The following RAB29 variants were observed in gnomAD, a reference collection of about 807,000 sequenced individuals.
RAB29 encodes the protein RAB29, member RAS oncogene family, also known as ras-related protein Rab-29.
A neutral mutation model predicts 25.5 loss-of-function variants in RAB29; 13 were observed. The observed-to-expected ratio is 0.51, with a 90% CI of 0.33 to 0.81. The LOEUF (loss-of-function observed/expected upper bound fraction) is 0.81, where lower values mean the gene tolerates loss of function less well. Among genes scored for constraint, RAB29 ranks in the 30% least tolerant of loss-of-function variants. The pLI, the probability that RAB29 is intolerant of heterozygous loss-of-function variation, is 0.02. For missense variants in RAB29, 201 were observed against 254.9 expected, an observed-to-expected ratio of 0.79 and a Z score of 1.44; for synonymous variants, 88 against 95.0, an observed-to-expected ratio of 0.93 and a Z score of 0.43.
chr1:205,773,234 G>A (rs1177290387), intron 2 of RAB29, among the ~76,000 whole-genome samples: 1 of 152,142 alleles, frequency 6.6e-6, no homozygotes, highest in African/African-American at 2.4e-5. Context: ...GCTAAGGAGA[G>A]AAACAGAGTA....
intron 5 of RAB29, 61 bp from the exon 6 acceptor site, chr1:205,770,514 G>A (rs1654932610): frequency 6.7e-7 from 1 of 1,489,114 alleles, no homozygotes; most frequent in South Asian, 1.1e-5. Flanking sequence ...AATGGCAGAT[G>A]TAGTCTGACT....
intron 2 of RAB29, among the ~76,000 whole-genome samples, chr1:205,773,085 T>C (rs923457635): frequency 9.9e-5 from 15 of 152,148 alleles, no homozygotes; most frequent in African/African-American, 3.1e-4. Context: ...ATGGAATAAA[T>C]GGAAAAGGTC....
At position 205,768,330 on chromosome 1, in the gene RAB29, A is replaced by G. The variant is rs1442801031; in HGVS notation, c.*2012T>C. ...CTGAAAAGCTAACAGAATATATAGA[A>G]ACCCAGGATTTGTATTTGTATTTAA... is the stretch of plus-strand genomic sequence containing the variant. On this transcript the variant is annotated 3_prime_UTR_variant, in exon 6 of 6. Transcript: ENST00000367139. The G allele has an allele frequency of 6.6e-6, 1 of 152,166 alleles. No individual in the cohort carries two copies. Among genetic ancestry groups the G allele is most frequent in the Non-Finnish European group, 1.5e-5 (1 of 68,026 alleles). The allele number at this position is 152,166 out of a possible 1,614,324, so 9.4% of individuals were successfully genotyped here. A position where few individuals can be genotyped will look rare whatever the true frequency, so the allele number is the denominator to read the frequency against.
At chr1:205,771,395 C>T in intron 4 of RAB29, 77 bp downstream of exon 4, 1 of 1,535,640 alleles carries the variant, frequency 6.5e-7, no homozygotes, top group Non-Finnish European at 9.0e-7. Context: ...AATGGATGCC[C>T]AGAATCAGAG....
At chr1:205,773,222 T>C (rs1203686760) in intron 2 of RAB29, among the ~76,000 whole-genome samples, 2 of 152,232 alleles carry the variant, frequency 1.3e-5, no homozygotes, top group African/African-American at 4.8e-5. Flanking sequence ...GAAAGCCTTT[T>C]GGCTAAGGAG....
intron 4 of RAB29, 126 bp downstream of exon 4, chr1:205,771,346 G>T: frequency 1.9e-6 from 2 of 1,061,856 alleles, no homozygotes; most frequent in Non-Finnish European, 1.5e-6. Context: ...AACATCCTTT[G>T]AAGGAGGTAG....
chr1:205,774,874 G>A lies in RAB29; in HGVS notation c.83C>T (p.Ser28Phe). The A allele has an allele frequency of 3.7e-6, 6 of 1,613,804 alleles. No individual in the cohort carries two copies. Among genetic ancestry groups the A allele is most frequent in the Non-Finnish European group, 5.1e-6 (6 of 1,179,946 alleles). ...VGKTSLVQRY[S>F]QDSFSKHYKS... Reference sequence around the variant, plus strand: ...GTAGTGTTTGCTGAAGCTGTCCTGGGAATATCGCTGCACCAGCGACGTCTT... The same window carrying A: ...GTAGTGTTTGCTGAAGCTGTCCTGGAAATATCGCTGCACCAGCGACGTCTT... The change falls in exon 2 of 6, where the codon TCC (serine) becomes TTC (phenylalanine). Residue 28 changes from serine (S) to phenylalanine (F), a missense_variant. By Grantham distance (155) the Ser-to-Phe change is radical. Coordinates refer to ENST00000367139, the MANE Select transcript of RAB29 (RefSeq NM_003929.3).
Position 205,775,065 on chromosome 1 carries a change from T to C in RAB29, c.-109A>G. On this transcript the variant is annotated 5_prime_UTR_variant, in exon 2 of 6. Transcript: ENST00000367139. ...CCCTCTTCAAACTGAAGTGAGGCAT[T>C]CCCACCCACCGCCTGTCTGGGCTGC... 7.1e-7 allele frequency: 1 copy of C among 1,401,996 alleles called. No individual in the cohort carries two copies. Among genetic ancestry groups the C allele is most frequent in the African/African-American group, 1.4e-5 (1 of 70,378 alleles). 86.8% of individuals were successfully genotyped at this position (1,401,996 alleles called of 1,614,324 possible). A position where few individuals can be genotyped will look rare whatever the true frequency, so the allele number is the denominator to read the frequency against.
At chr1:205,771,940 C>G (rs1655046682) in intron 3 of RAB29, among the ~76,000 whole-genome samples, 1 of 132,802 alleles carries the variant, frequency 7.5e-6, no homozygotes, top group African/African-American at 2.7e-5. Context: ...AAGATAAAAG[C>G]AGTCGCTTTT....
At position 205,768,326 on chromosome 1, in the gene RAB29, T is replaced by G. The variant is rs1272562197; in HGVS notation, c.*2016A>C. On this transcript the variant is annotated 3_prime_UTR_variant, in exon 6 of 6. Transcript: ENST00000367139. ...TCACCTGAAAAGCTAACAGAATATA[T>G]AGAAACCCAGGATTTGTATTTGTAT... 2.0e-5 allele frequency: 3 copies of G among 152,152 alleles called. No homozygotes were observed. Among genetic ancestry groups the G allele is most frequent in the Non-Finnish European group, 2.9e-5 (2 of 68,016 alleles). The allele number at this position is 152,152 out of a possible 1,614,324, so 9.4% of individuals were successfully genotyped here.
At position 205,770,725 on chromosome 1, in the gene RAB29, C is replaced by T; in HGVS notation, c.500+8G>A. 6.2e-7 allele frequency: 1 copy of T among 1,614,102 alleles called. No homozygotes were observed. The highest frequency in any genetic ancestry group is 8.5e-7 in the Non-Finnish European group (1 of 1,180,012). On this transcript the variant is annotated splice_region_variant and intron_variant, in intron 5 of 5. Coordinates refer to ENST00000367139, the MANE Select transcript of RAB29 (RefSeq NM_003929.3). ...ACATCTGCATGCCTATCAGCATGAGCTACTTACCTCATAGCCTCATTAATA... is the reference window on the plus strand; with the variant it reads ...ACATCTGCATGCCTATCAGCATGAGTTACTTACCTCATAGCCTCATTAATA...
At position 205,770,085 on chromosome 1, in the gene RAB29, G is replaced by T; in HGVS notation, c.*257C>A. On this transcript the variant is annotated 3_prime_UTR_variant, in exon 6 of 6. Transcript: ENST00000367139. ...CTCATAAAATTCCGGATCACAAATTGAGGGCTGATGAGAAGATCTTACACC... is the reference window on the plus strand; with the variant it reads ...CTCATAAAATTCCGGATCACAAATTTAGGGCTGATGAGAAGATCTTACACC... 2.0e-6 allele frequency: 1 copy of T among 508,754 alleles called. No homozygotes were observed. The highest frequency in any genetic ancestry group is 3.5e-6 in the Non-Finnish European group (1 of 283,350). 31.5% of individuals were successfully genotyped at this position (508,754 alleles called of 1,614,324 possible). A position where few individuals can be genotyped will look rare whatever the true frequency, so the allele number is the denominator to read the frequency against.
chr1:205,770,424 G>A lies in RAB29; in HGVS notation c.530C>T (p.Ser177Phe), dbSNP rs778473509. The A allele has an allele frequency of 2.5e-6, 4 of 1,614,030 alleles. No individual in the cohort carries two copies. In the African/African-American group the frequency reaches 4.0e-5, roughly 16 times the overall value. Residue 177 changes from serine (S) to phenylalanine (F), a missense_variant, in exon 6 of 6, where the codon TCC becomes TTC. Physicochemically the swap from Ser to Phe is radical, Grantham distance 155. Coordinates refer to ENST00000367139, the MANE Select transcript of RAB29 (RefSeq NM_003929.3). ...GGACAAAGACATGATATCTTCTGTG[G>A]AATTTCTCATCATCTTTTCAATGAG... ...RVLIEKMMRN[S>F]TEDIMSLSTQ...
Position 205,771,667 on chromosome 1 carries a change from G to C in RAB29, c.197-14C>G. On this transcript the variant is annotated splice_polypyrimidine_tract_variant and intron_variant, in intron 3 of 5. Coordinates refer to ENST00000367139, the MANE Select transcript of RAB29 (RefSeq NM_003929.3). ...AGCGCTCCTGCCCTGGGGAGAAAGG[G>C]GAGAGTTCTCAAGGTGACCCAAGAG... is the stretch of plus-strand genomic sequence containing the variant. 6.2e-7 allele frequency: 1 copy of C among 1,612,532 alleles called. No homozygotes were observed. The highest frequency in any genetic ancestry group is 8.5e-7 in the Non-Finnish European group (1 of 1,178,598).
chr1:205,771,292 C>A (rs1654987973), intron 4 of RAB29, 180 bp downstream of exon 4: 2 of 715,148 alleles, frequency 2.8e-6, no homozygotes, highest in Non-Finnish European at 4.6e-6. Flanking sequence ...GAGCGAGACT[C>A]CGTCTCAAAA....
rs1346489458 is a variant in RAB29, at chr1:205,769,401, T to G, written c.*941A>C. On this transcript the variant is annotated 3_prime_UTR_variant, in exon 6 of 6. Coordinates refer to ENST00000367139, the MANE Select transcript of RAB29 (RefSeq NM_003929.3). ...TGTGGAAGAAAATGCTTTCATTGCA[T>G]GAGATAGGTAGTTTAAAAATGACTA... 2 of 152,202 alleles carry G rather than the reference T, an allele frequency of 1.3e-5. No homozygotes were observed. Among genetic ancestry groups the G allele is most frequent in the Non-Finnish European group, 2.9e-5 (2 of 68,032 alleles). The allele number at this position is 152,202 out of a possible 1,614,324, so 9.4% of individuals were successfully genotyped here. A position where few individuals can be genotyped will look rare whatever the true frequency, so the allele number is the denominator to read the frequency against.
In RAB29 at chr1:205,771,530, T is replaced by C; in HGVS notation, c.320A>G (p.Asp107Gly). ...TCCATTGGGTAGTGTGAGCTTGCTG[T>C]CTAGGTCCTGTTTCCACCTCTGGCT... ...SNSQRWKQDL[D>G]SKLTLPNGEP... Residue 107 changes from aspartate to glycine, a missense_variant, in exon 4 of 6, where the codon GAC (aspartate) becomes GGC (glycine). Asp to Gly is a moderately conservative substitution (Grantham distance 94). Transcript: ENST00000367139. 6.2e-7 allele frequency: 1 copy of C among 1,614,162 alleles called. No individual in the cohort carries two copies. Among genetic ancestry groups the C allele is most frequent in the Non-Finnish European group, 8.5e-7 (1 of 1,180,022 alleles).
intron 1 of RAB29, 92 bp downstream of exon 1, chr1:205,775,181 G>C: frequency 1.9e-6 from 1 of 522,424 alleles, no homozygotes; most frequent in South Asian, 2.3e-5. Context: ...CGCAGGGCGC[G>C]AGCTCCGAGC....
Position 205,770,641 on chromosome 1 carries a change from G to C in RAB29, c.500+92C>G, listed in dbSNP as rs949564852. ...GGCTAGCATTCCAATGGCTCAGTCT[G>C]TCATTGTTGGCTCAGAAATAAGAAA... is the stretch of plus-strand genomic sequence containing the variant. On this transcript the variant is annotated intron_variant, in intron 5 of 5. Transcript: ENST00000367139. 3.0e-5 allele frequency: 47 copies of C among 1,577,528 alleles called. No individual in the cohort carries two copies. The African/African-American group carries it at 4.8e-4, about 16-fold the overall frequency.
Sources: gnomAD v4.1 joint callset for allele counts (sites outside exome capture counted in the v4.1 genomes callset) on GRCh38, gnomAD v4.1.1 for gene constraint, MANE v1.5 for transcripts, NCBI Gene and HGNC (gene_info 2026-07-23, HGNC 2026-07-21) for gene names.